The following CDC42 variants were observed in gnomAD, a reference collection of about 807,000 sequenced individuals.
CDC42 encodes cell division control protein 42 homolog.
CDC42 carries 1 observed loss-of-function variant against 20.8 expected under a neutral mutation model. That is an observed-to-expected ratio of 0.05 (90% confidence interval 0.02 to 0.23). The LOEUF (loss-of-function observed/expected upper bound fraction) is 0.23, where lower values mean the gene tolerates loss of function less well. Among genes scored for constraint, CDC42 ranks in the 10% least tolerant of loss-of-function variants. CDC42 has a pLI of 1.00. For synonymous variants in CDC42, 72 were observed against 84.8 expected (o/e 0.85, Z 0.83); for missense variants, 49 against 227.9 (o/e 0.21, Z 5.05).
At chr1:22,071,103 G>A (rs1473658831) in intron 1 of CDC42, among the ~76,000 whole-genome samples, 1 of 135,498 alleles carries the variant, frequency 7.4e-6, no homozygotes, top group East Asian at 2.2e-4. Context: ...GAGTGCAGTG[G>A]CGCGGTCTCG....
In CDC42 at chr1:22,098,257, C is replaced by T. The variant is rs1645769768; in HGVS notation, c.*6740C>T. Among the ~76,000 whole-genome samples the T allele has an allele frequency of 6.6e-6, 1 of 152,042 alleles. No homozygotes were observed. The highest frequency in any genetic ancestry group is 6.5e-5 in the Admixed American group (1 of 15,272). ...GCTTCCACTTTTCTGGCCTCATTATCTGTAAAATTGCATACTTAGTTATCA... is the reference window on the plus strand; with the variant it reads ...GCTTCCACTTTTCTGGCCTCATTATTTGTAAAATTGCATACTTAGTTATCA... On this transcript the variant is annotated 3_prime_UTR_variant, in exon 6 of 6. Transcript: ENST00000656825.
chr1:22,076,478 G>T (rs756638706), intron 1 of CDC42, among the ~76,000 whole-genome samples: 1 of 152,094 alleles, frequency 6.6e-6, no homozygotes, highest in African/African-American at 2.4e-5. Context: ...GAGTCAGACT[G>T]CTTGGGTTTA....
rs1213686751 is a variant in CDC42, at chr1:22,094,486, A to G, written c.*2969A>G. ...CTAATTTTTTGTATTTTTAGTAGAG[A>G]CGGGGTTTCACCGTGTTAGCCAGAA... is the stretch of plus-strand genomic sequence containing the variant. On this transcript the variant is annotated 3_prime_UTR_variant, in exon 6 of 6. Coordinates refer to ENST00000656825, the MANE Select transcript of CDC42 (RefSeq NM_001791.4). Among the ~76,000 whole-genome samples the G allele has an allele frequency of 6.9e-6, 1 of 145,786 alleles. No homozygotes were observed. The highest frequency in any genetic ancestry group is 1.5e-5 in the Non-Finnish European group (1 of 67,258).
Position 22,091,662 on chromosome 1 carries a change from A to T in CDC42, c.*145A>T, listed in dbSNP as rs548700935. 23 of 502,350 alleles carry T rather than the reference A, an allele frequency of 4.6e-5. No individual in the cohort carries two copies. Among genetic ancestry groups the T allele is most frequent in the African/African-American group, 1.4e-4 (7 of 51,038 alleles). The allele number at this position is 502,350 out of a possible 1,614,324, so 31.1% of individuals were successfully genotyped here. The stretch of plus-strand genomic sequence containing the variant: ...ACCTACCCACATGCACTCGTGTGAG[A>T]CAAGGCCCATAGGTATGGCCCCCCC... On this transcript the variant is annotated 3_prime_UTR_variant, in exon 6 of 6. Transcript: ENST00000656825.
rs564738227 is a variant in CDC42, at chr1:22,068,215, T to C, written c.-50-10214T>C. 5 of 152,610 alleles carry C rather than the reference T, an allele frequency of 3.3e-5. No individual in the cohort carries two copies. The South Asian group carries it at 8.3e-4, about 25-fold the overall frequency. 9.5% of individuals were successfully genotyped at this position (152,610 alleles called of 1,614,324 possible). The stretch of plus-strand genomic sequence containing the variant: ...CAAAAACAGCATGTTTCCAAAATTA[T>C]ACATCTCTTTACAAATAAACGTTAT... On this transcript the variant is annotated intron_variant, in intron 1 of 5. Transcript: ENST00000656825.
rs564812522 is a variant in CDC42 at position 22,098,933 on chromosome 1, A to G, written c.*7416A>G. Among the ~76,000 whole-genome samples the G allele has an allele frequency of 6.6e-6, 1 of 151,968 alleles. No individual in the cohort carries two copies. Among genetic ancestry groups the G allele is most frequent in the African/African-American group, 2.4e-5 (1 of 41,380 alleles). On this transcript the variant is annotated 3_prime_UTR_variant, in exon 6 of 6. Transcript: ENST00000656825. The stretch of plus-strand genomic sequence containing the variant: ...GACACCACGCCTGGCTCATTTTTGC[A>G]TTTTGTGTAGAGAGGGGGTTTTGCC...
At chr1:22,070,946 T>A (rs905402326) in intron 1 of CDC42, among the ~76,000 whole-genome samples, 1 of 152,190 alleles carries the variant, frequency 6.6e-6, no homozygotes, top group Non-Finnish European at 1.5e-5. Context: ...GTGTATCCTT[T>A]CTGCAGAAGG....
chr1:22,087,741 T>G (rs1002134383), intron 5 of CDC42, among the ~76,000 whole-genome samples: 1 of 152,240 alleles, frequency 6.6e-6, no homozygotes, highest in African/African-American at 2.4e-5. Context: ...TATATTAAAC[T>G]CATTATATTT....
intron 3 of CDC42, among the ~76,000 whole-genome samples, chr1:22,085,276 G>C (rs1645650897): frequency 6.6e-6 from 1 of 150,828 alleles, no homozygotes; most frequent in Non-Finnish European, 1.5e-5. Context: ...CATATGTAAG[G>C]GTTTATTTCT....
At chr1:22,073,143 G>A (rs1400817443) in intron 1 of CDC42, among the ~76,000 whole-genome samples, 1 of 152,072 alleles carries the variant, frequency 6.6e-6, no homozygotes, top group Non-Finnish European at 1.5e-5. Context: ...ACCATAGAGA[G>A]GGTTCCATAA....
intron 3 of CDC42, among the ~76,000 whole-genome samples, chr1:22,084,230 G>T (rs1004627591): frequency 6.6e-6 from 1 of 151,044 alleles, no homozygotes; most frequent in Admixed American, 6.6e-5. Context: ...ATTTTTTTGA[G>T]GAACCTCCGT....
At chr1:22,080,227 G>C (rs563136027) in intron 2 of CDC42, among the ~76,000 whole-genome samples, 1 of 152,332 alleles carries the variant, frequency 6.6e-6, no homozygotes, top group African/African-American at 2.4e-5. Flanking sequence ...AGCATAAGTA[G>C]ACTTTGGAAT....
At chr1:22,062,108 G>A (rs1166451849) in intron 1 of CDC42, among the ~76,000 whole-genome samples, 2 of 151,652 alleles carry the variant, frequency 1.3e-5, no homozygotes, top group African/African-American at 4.9e-5. Flanking sequence ...GCTAATTTTT[G>A]TATTTTTAGT....
At position 22,098,868 on chromosome 1, in the gene CDC42, C is replaced by G. The variant is rs1367219194; in HGVS notation, c.*7351C>G. ...TGACCTCCCCAGCTCAAGCGATCCT[C>G]CCGCCTCAGCCTCCCGAGTAGAAGG... On this transcript the variant is annotated 3_prime_UTR_variant, in exon 6 of 6. Transcript: ENST00000656825. Among the ~76,000 whole-genome samples, 2 of 152,166 alleles carry G rather than the reference C, an allele frequency of 1.3e-5. No homozygotes were observed. Among genetic ancestry groups the G allele is most frequent in the Non-Finnish European group, 2.9e-5 (2 of 68,024 alleles).
rs1553195978 is a variant in CDC42 at position 22,085,244 on chromosome 1, A to AAAAGAAAAG, written c.179-1192_179-1191insGAAAAGAAA. ...GAGACTCTGTCTAAAAAAAAAAAAA[A>AAAAGAAAAG]AAAAGAAAAATCATTTGCCCACATA... On this transcript the variant is annotated intron_variant, in intron 3 of 5. Coordinates refer to ENST00000656825, the MANE Select transcript of CDC42 (RefSeq NM_001791.4). 2.2e-5 allele frequency among the ~76,000 whole-genome samples: 3 copies of AAAAGAAAAG among 135,956 alleles called. 1 individual carries two copies. The highest frequency in any genetic ancestry group is 8.3e-5 in the African/African-American group (3 of 36,052). The allele number at this position is 135,956 out of a possible 152,430, so 89.2% of individuals were successfully genotyped here. A position where few individuals can be genotyped will look rare whatever the true frequency, so the allele number is the denominator to read the frequency against.
At chr1:22,067,115 A>C (rs1645433063) in intron 1 of CDC42, among the ~76,000 whole-genome samples, 1 of 152,170 alleles carries the variant, frequency 6.6e-6, no homozygotes, top group Non-Finnish European at 1.5e-5. Context: ...GGAACGGAGC[A>C]TGAGAAGGTT....
chr1:22,053,424 C>A (rs1645260087), intron 1 of CDC42: 1 of 152,250 alleles, frequency 6.6e-6, no homozygotes, highest in East Asian at 1.9e-4. Flanking sequence ...GGCTGCTCTT[C>A]CTTTCGGAGG....
intron 2 of CDC42, among the ~76,000 whole-genome samples, chr1:22,079,139 CTTTTTTT>C (rs10609742): frequency 1.7e-5 from 2 of 116,740 alleles, no homozygotes; most frequent in African/African-American, 7.2e-5. Flanking sequence ...TTCTTTTTTT[CTTTTTTT>C]TTTTTTTTTT....
intron 1 of CDC42, among the ~76,000 whole-genome samples, chr1:22,062,460 T>C (rs1389247810): frequency 2.6e-5 from 4 of 152,184 alleles, no homozygotes; most frequent in Non-Finnish European, 4.4e-5. Flanking sequence ...AATGTCTGCT[T>C]GTTTAGGATT....
Sources: gnomAD v4.1 joint callset for allele counts (sites outside exome capture counted in the v4.1 genomes callset) on GRCh38, gnomAD v4.1.1 for gene constraint, MANE v1.5 for transcripts, NCBI Gene and HGNC (gene_info 2026-07-23, HGNC 2026-07-21) for gene names.